The following XCR1 variants were observed in gnomAD, a reference collection of about 807,000 sequenced individuals.
XCR1 encodes the protein X-C motif chemokine receptor 1.
For synonymous variants in XCR1, 187 were observed against 188.5 expected (o/e 0.99, Z 0.06); for missense variants, 356 against 424.2 (o/e 0.84, Z 1.41).
At position 46,033,755 on chromosome 3, in the gene XCR1, A is replaced by G. The variant is rs116828252; in HGVS notation, c.-31-11777T>C. Among the ~76,000 whole-genome samples, 647 of 152,308 alleles carry G rather than the reference A, an allele frequency of 4.2e-3. 5 individuals are homozygous for G. The highest frequency in any genetic ancestry group is 0.015 in the African/African-American group (616 of 41,566). On this transcript the variant is annotated intron_variant, in intron 5 of 5. Coordinates refer to the XCR1 transcript ENST00000683768. The stretch of plus-strand genomic sequence containing the variant: ...CATTATAGCTATAGATCAAGTTAAG[A>G]ATTGCCATCTTGACAATATTGAGTC...
rs1014404340 is a variant in XCR1, at chr3:46,017,459, C to T, written c.*3487G>A. 1.3e-5 allele frequency: 2 copies of T among 152,176 alleles called. No individual in the cohort carries two copies. Among genetic ancestry groups the T allele is most frequent in the African/African-American group, 4.8e-5 (2 of 41,428 alleles). 9.4% of individuals were successfully genotyped at this position (152,176 alleles called of 1,614,324 possible). ...TCACAAGAAGCTCATGGGGTGAGTA[C>T]CTGGTGTTGACCAGAAGATGAGATG... On this transcript the variant is annotated 3_prime_UTR_variant, in exon 2 of 2. Coordinates refer to ENST00000309285, the MANE Select transcript of XCR1 (RefSeq NM_001024644.2).
At chr3:46,025,611 A>G (rs914684928) in intron 1 of XCR1, among the ~76,000 whole-genome samples, 4 of 152,232 alleles carry the variant, frequency 2.6e-5, no homozygotes. Context: ...CAGCATATCA[A>G]AACTGACATG....
intron 5 of XCR1, among the ~76,000 whole-genome samples, chr3:46,040,291 T>C (rs1697517195): frequency 6.6e-6 from 1 of 152,162 alleles, no homozygotes; most frequent in Non-Finnish European, 1.5e-5. Context: ...TGTGATCCTA[T>C]TTTGTTATAT....
In XCR1 at chr3:46,023,529, C is replaced by G. The variant is rs1708213017; in HGVS notation, c.-31-1551G>C. Reference sequence around the variant, plus strand: ...TCATCCAAGAGAGATGGAAAAGGGCCCAGCGTGAGGAAAGATTGAAAGCCT... The same window carrying G: ...TCATCCAAGAGAGATGGAAAAGGGCGCAGCGTGAGGAAAGATTGAAAGCCT... On this transcript the variant is annotated intron_variant, in intron 1 of 1. Coordinates refer to ENST00000309285, the MANE Select transcript of XCR1 (RefSeq NM_001024644.2). 51 of 1,561,012 alleles carry G rather than the reference C, an allele frequency of 3.3e-5. No homozygotes were observed. In the East Asian group the frequency reaches 1.1e-3, roughly 35 times the overall value.
chr3:46,026,188 AT>A (rs931423618), intron 1 of XCR1, among the ~76,000 whole-genome samples: 1 of 152,112 alleles, frequency 6.6e-6, no homozygotes, highest in South Asian at 2.1e-4. Context: ...AAAATCATTC[AT>A]TTTTTTTGCT....
intron 4 of XCR1, among the ~76,000 whole-genome samples, chr3:46,063,979 C>A (rs1307000853): frequency 6.6e-6 from 1 of 152,078 alleles, no homozygotes; most frequent in Non-Finnish European, 1.5e-5. Flanking sequence ...CTTGAGCAAT[C>A]CTCCCACCTC....
chr3:46,023,255 C>G, intron 1 of XCR1: 1 of 651,686 alleles, frequency 1.5e-6, no homozygotes, highest in Non-Finnish European at 2.7e-6. Flanking sequence ...CCTCCATGTT[C>G]CCTGGCCCCA....
intron 5 of XCR1, among the ~76,000 whole-genome samples, chr3:46,045,967 A>C (rs914445352): frequency 3.9e-5 from 6 of 152,374 alleles, no homozygotes; most frequent in Admixed American, 1.3e-4. Flanking sequence ...AATCAATCTA[A>C]GTGTCCATCA....
At chr3:46,073,180 C>T (rs1282894103) in intron 3 of XCR1, among the ~76,000 whole-genome samples, 2 of 151,920 alleles carry the variant, frequency 1.3e-5, no homozygotes, top group Non-Finnish European at 2.9e-5. Flanking sequence ...AGAAGAAAAC[C>T]TAGGAAAAAC....
At chr3:46,041,966 C>G (rs1033789645) in intron 5 of XCR1, among the ~76,000 whole-genome samples, 2 of 152,202 alleles carry the variant, frequency 1.3e-5, no homozygotes, top group African/African-American at 4.8e-5. Flanking sequence ...CTTCAGCACC[C>G]AATTAACACC....
intron 1 of XCR1, chr3:46,024,007 G>A: frequency 7.2e-7 from 1 of 1,389,926 alleles, no homozygotes; most frequent in South Asian, 1.2e-5. Flanking sequence ...AACTGCTACA[G>A]CCTCCTCAAC....
intron 4 of XCR1, among the ~76,000 whole-genome samples, chr3:46,055,022 G>A (rs957598989): frequency 6.6e-6 from 1 of 152,208 alleles, no homozygotes; most frequent in Non-Finnish European, 1.5e-5. Flanking sequence ...GGAGGAAGAA[G>A]GTCTCTCTTA....
chr3:46,061,709 G>A (rs1205076842), intron 4 of XCR1, among the ~76,000 whole-genome samples: 1 of 152,166 alleles, frequency 6.6e-6, no homozygotes, highest in African/African-American at 2.4e-5. Flanking sequence ...CGAGGGGAAA[G>A]GAATATGGGG....
chr3:46,068,317 T>C (rs1243512690), intron 3 of XCR1, among the ~76,000 whole-genome samples: 17 of 152,104 alleles, frequency 1.1e-4, no homozygotes, highest in Admixed American at 9.8e-4. Flanking sequence ...CTGAAAGCAT[T>C]TTTGGTTATC....
chr3:46,061,439 T>TG (rs1351594598), intron 4 of XCR1, among the ~76,000 whole-genome samples: 3 of 152,198 alleles, frequency 2.0e-5, no homozygotes, highest in African/African-American at 2.4e-5. Context: ...CAGGAGTGTC[T>TG]GGAGAAAGAA....
At chr3:46,059,277 G>T (rs1304275236) in intron 4 of XCR1, among the ~76,000 whole-genome samples, 1 of 152,176 alleles carries the variant, frequency 6.6e-6, no homozygotes, top group African/African-American at 2.4e-5. Context: ...GCTTATAGTT[G>T]GTTGTGCACA....
chr3:46,040,829 A>AATTGTGCC (rs71095071), intron 5 of XCR1, among the ~76,000 whole-genome samples: 33,514 of 151,884 alleles, frequency 0.22, 5,036 homozygotes, highest in African/African-American at 0.41. Context: ...AACTCTGAAG[A>AATTGTGCC]ATTAGATTAG....
upstream of XCR1, among the ~76,000 whole-genome samples, chr3:46,031,890 C>T (rs6763341): frequency 0.19 from 28,620 of 152,056 alleles, 2,767 homozygotes; most frequent in East Asian, 0.26. Flanking sequence ...TGCTGAGAGC[C>T]GCAGAGACAA....
intron 1 of XCR1, among the ~76,000 whole-genome samples, chr3:46,078,015 C>T (rs556326836): frequency 6.6e-6 from 1 of 152,184 alleles, no homozygotes; most frequent in South Asian, 2.1e-4. Context: ...CATTTGTACC[C>T]CAAACTTCAG....
Sources: allele counts gnomAD v4.1 joint callset (sites outside exome capture counted in the v4.1 genomes callset), GRCh38; gene constraint gnomAD v4.1.1; transcripts MANE v1.5; gene names NCBI Gene and HGNC (gene_info 2026-07-23, HGNC 2026-07-21).